The following PCSK9 variants were observed in gnomAD, a reference collection of about 807,000 sequenced individuals.
PCSK9 encodes proprotein convertase subtilisin/kexin type 9, also known as convertase subtilisin/kexin type 9 preproprotein.
Under a neutral mutation model 62.1 loss-of-function variants are expected in PCSK9, and 57 were observed. That is an observed-to-expected ratio of 0.92 (90% CI 0.74 to 1.14). The LOEUF is 1.14. Among genes scored for constraint, PCSK9 ranks in the 50% most tolerant of loss-of-function variants. The probability of loss-of-function intolerance (pLI) is 0.00; values close to 1 mark genes in which losing one functional copy is unlikely to be tolerated. For synonymous variants in PCSK9, 387 were observed against 409.4 expected (o/e 0.95, Z 0.66); for missense variants, 870 against 959.8 (o/e 0.91, Z 1.24).
intron 2 of PCSK9, among the ~76,000 whole-genome samples, chr1:55,045,464 T>C (rs1451041467): frequency 1.3e-5 from 2 of 152,148 alleles, no homozygotes; most frequent in African/African-American, 4.8e-5. Flanking sequence ...GGAAACTCGC[T>C]GAAGTGGGGG....
At chr1:55,052,859 G>A in intron 5 of PCSK9, 68 bp downstream of exon 5, 1 of 1,608,058 alleles carries the variant, frequency 6.2e-7, no homozygotes, top group East Asian at 2.2e-5. Flanking sequence ...CTTGGGCTGG[G>A]CCCAGGGAGA....
At chr1:55,052,151 T>C (rs1193529879) in intron 3 of PCSK9, 127 bp from the exon 4 acceptor site, 2 of 1,323,902 alleles carry the variant, frequency 1.5e-6, no homozygotes, top group African/African-American at 2.9e-5. Context: ...TTTTGGAGGT[T>C]AAACGAGTGA....
intron 1 of PCSK9, among the ~76,000 whole-genome samples, chr1:55,043,016 T>A (rs1255171023): frequency 6.6e-6 from 1 of 152,240 alleles, no homozygotes; most frequent in African/African-American, 2.4e-5. Context: ...TCTCTGCACA[T>A]GTAGGCTCCC....
Position 55,056,102 on chromosome 1 carries a change from C to T in PCSK9, c.909C>T (p.Arg303=). The change falls in exon 6 of 12, where the codon CGC becomes CGT. Residue 303 remains arginine, a synonymous_variant. Transcript: ENST00000302118. ...GCGTCCTCAACGCCGCCTGCCAGCG[C>T]CTGGCGAGGGCTGGGGTCGTGCTGG... is the stretch of plus-strand genomic sequence containing the variant. ...YSRVLNAACQ[R]LARAGVVLVT... is the part of the protein sequence containing the mutation. 2 of 1,588,946 alleles carry T rather than the reference C, an allele frequency of 1.3e-6. No individual in the cohort carries two copies. The highest frequency in any genetic ancestry group is 1.7e-6 in the Non-Finnish European group (2 of 1,163,450).
intron 2 of PCSK9, among the ~76,000 whole-genome samples, chr1:55,044,962 G>A (rs1158673598): frequency 1.3e-5 from 2 of 152,194 alleles, no homozygotes; most frequent in Admixed American, 6.5e-5. Context: ...AGACTGACAA[G>A]TCAATGCCTT....
Position 55,046,540 on chromosome 1 carries a change from T to A in PCSK9, c.417T>A (p.His139Gln). 6 of 1,614,148 alleles carry A rather than the reference T, an allele frequency of 3.7e-6. No homozygotes were observed. Among genetic ancestry groups the A allele is most frequent in the Non-Finnish European group, 5.1e-6 (6 of 1,180,024 alleles). ...DLLELALKLP[H>Q]VDYIEEDSSV... Reference sequence around the variant, plus strand: ...TTCTGCAGGCCTTGAAGTTGCCCCATGTCGACTACATCGAGGAGGACTCCT... The same window carrying A: ...TTCTGCAGGCCTTGAAGTTGCCCCAAGTCGACTACATCGAGGAGGACTCCT... The change falls in exon 3 of 12, where the codon CAT becomes CAA. Residue 139 changes from histidine (H) to glutamine (Q), a missense_variant. Coordinates refer to ENST00000302118, the MANE Select transcript of PCSK9 (RefSeq NM_174936.4).
At chr1:55,052,174 C>G (rs576818517) in intron 3 of PCSK9, 104 bp from the exon 4 acceptor site, 11 of 1,485,874 alleles carry the variant, frequency 7.4e-6, no homozygotes, top group Non-Finnish European at 9.3e-6. Context: ...ATATTTAAGG[C>G]GCTTTCACCA....
At position 55,055,989 on chromosome 1, in the gene PCSK9, C is replaced by A; in HGVS notation, c.800-4C>A. ...AGGGGTGACCTTGGCTTTGTTCCTC[C>A]CAGGCCTGGAGTTTATTCGGAAAAG... is the stretch of plus-strand genomic sequence containing the variant. On this transcript the variant is annotated splice_region_variant and splice_polypyrimidine_tract_variant and intron_variant, in intron 5 of 11. Coordinates refer to ENST00000302118, the MANE Select transcript of PCSK9 (RefSeq NM_174936.4). The A allele has an allele frequency of 6.2e-7, 1 of 1,607,472 alleles. No homozygotes were observed.
rs1026987232 is a variant in PCSK9, at chr1:55,059,612, G to A, written c.1630G>A (p.Ala544Thr). 15 of 1,552,400 alleles carry A rather than the reference G, an allele frequency of 9.7e-6. No individual in the cohort carries two copies. Among genetic ancestry groups the A allele is most frequent in the African/African-American group, 1.4e-5 (1 of 73,240 alleles). ...CSVHTAPPAE[A>T]SMGTRVHCHQ... ...CGTCCACACAGCTCCACCAGCTGAG[G>A]CCAGCATGGGGACCCGTGTCCACTG... Residue 544 changes from alanine (A) to threonine (T), a missense_variant, in exon 10 of 12, where the codon GCC becomes ACC. Ala to Thr is a moderately conservative substitution (Grantham distance 58). Coordinates refer to ENST00000302118, the MANE Select transcript of PCSK9 (RefSeq NM_174936.4).
chr1:55,062,670 C>T (rs1193241023), intron 11 of PCSK9, among the ~76,000 whole-genome samples: 1 of 152,120 alleles, frequency 6.6e-6, no homozygotes, highest in Non-Finnish European at 1.5e-5. Flanking sequence ...TGGGGATGTG[C>T]AGGGAGTACC....
chr1:55,048,627 G>A (rs1644652059), intron 3 of PCSK9, among the ~76,000 whole-genome samples: 2 of 152,188 alleles, frequency 1.3e-5, no homozygotes, highest in Admixed American at 1.3e-4. Context: ...GGGCAGGCTG[G>A]CTGGGCCCAG....
In PCSK9 at chr1:55,059,515, C is replaced by T. The variant is rs1033662150; in HGVS notation, c.1533C>T (p.Ala511=). Residue 511 remains alanine, a synonymous_variant, in exon 10 of 12, where the codon GCC becomes GCT. Coordinates refer to ENST00000302118, the MANE Select transcript of PCSK9 (RefSeq NM_174936.4). ...AAGGGGGCAAGCTGGTCTGCCGGGC[C>T]CACAACGCTTTTGGGGGTGAGGGTG... ...EAQGGKLVCR[A]HNAFGGEGVY... The T allele has an allele frequency of 2.6e-6, 4 of 1,566,272 alleles. No individual in the cohort carries two copies. Among genetic ancestry groups the T allele is most frequent in the African/African-American group, 2.7e-5 (2 of 74,182 alleles).
At chr1:55,056,855 CTGTG>C (rs765065118) in intron 6 of PCSK9, among the ~76,000 whole-genome samples, 4 of 152,268 alleles carry the variant, frequency 2.6e-5, no homozygotes, top group Non-Finnish European at 5.9e-5. Context: ...AACTTCAAGT[CTGTG>C]TGTGTGCGTG....
intron 3 of PCSK9, among the ~76,000 whole-genome samples, chr1:55,049,371 T>C (rs918031444): frequency 6.6e-6 from 1 of 152,228 alleles, no homozygotes; most frequent in Non-Finnish European, 1.5e-5. Flanking sequence ...CTCAGGCGTA[T>C]GGCAGGGCTG....
chr1:55,040,504 A>G lies in PCSK9; in HGVS notation c.207+460A>G, dbSNP rs1166198786. On this transcript the variant is annotated intron_variant, in intron 1 of 11. Coordinates refer to ENST00000302118, the MANE Select transcript of PCSK9 (RefSeq NM_174936.4). This position sits in a 1 kb window ranked among gnomAD's most constrained non-coding sequence, Gnocchi z 4.1. ...TGGGTTCCGATTTGGTTTGGAAAACATGGGCAGCGGAGGGTGGAGGGCCTG... is the reference window on the plus strand; with the variant it reads ...TGGGTTCCGATTTGGTTTGGAAAACGTGGGCAGCGGAGGGTGGAGGGCCTG... 6.6e-6 allele frequency among the ~76,000 whole-genome samples: 1 copy of G among 152,022 alleles called. No individual in the cohort carries two copies. The highest frequency in any genetic ancestry group is 2.4e-5 in the African/African-American group (1 of 41,412).
rs778617372 is a variant in PCSK9, at chr1:55,052,409, C to G, written c.655C>G (p.Gln219Glu). The G allele has an allele frequency of 1.9e-5, 31 of 1,613,662 alleles. No homozygotes were observed. The East Asian group carries it at 3.3e-4, about 17-fold the overall frequency. ...PEEDGTRFHRQASKCDSHGTH... is the reference protein window; with the variant it reads ...PEEDGTRFHREASKCDSHGTH... ...GGAGGACGGGACCCGCTTCCACAGA[C>G]AGGTAAGCACGGCCGTCTGATGGGA... The change falls in exon 4 of 12, where the codon CAG becomes GAG. Residue 219 changes from glutamine (Q) to glutamate (E), a missense_variant and splice_region_variant. By Grantham distance (29) the Gln-to-Glu change is conservative (BLOSUM62 2). Transcript: ENST00000302118.
At position 55,039,972 on chromosome 1, in the gene PCSK9, G is replaced by A. The variant is rs1190616189; in HGVS notation, c.135G>A (p.Leu45=). 5 of 1,580,418 alleles carry A rather than the reference G, an allele frequency of 3.2e-6. No homozygotes were observed. Among genetic ancestry groups the A allele is most frequent in the Non-Finnish European group, 4.3e-6 (5 of 1,164,114 alleles). Reference sequence around the variant, plus strand: ...ACTACGAGGAGCTGGTGCTAGCCTTGCGTTCCGAGGAGGACGGCCTGGCCG... The same window carrying A: ...ACTACGAGGAGCTGGTGCTAGCCTTACGTTCCGAGGAGGACGGCCTGGCCG... The part of the protein sequence containing the change: ...DGDYEELVLA[L]RSEEDGLAEA... Residue 45 remains leucine, a synonymous_variant, in exon 1 of 12, where the codon TTG becomes TTA. Transcript: ENST00000302118.
At chr1:55,061,283 C>G in intron 10 of PCSK9, 92 bp from the exon 11 acceptor site, 1 of 1,388,660 alleles carries the variant, frequency 7.2e-7, no homozygotes, top group African/African-American at 1.4e-5. Flanking sequence ...GCTCTTGCCT[C>G]AGACCTTAAA....
intron 6 of PCSK9, among the ~76,000 whole-genome samples, chr1:55,056,940 T>C (rs111830949): frequency 9.7e-4 from 3 of 3,106 alleles, no homozygotes; most frequent in Non-Finnish European, 8.1e-4. Flanking sequence ...AGGTCCCCCC[T>C]GGCCTATCAA....
Sources: gnomAD v4.1 joint callset for allele counts (sites outside exome capture counted in the v4.1 genomes callset) on GRCh38, gnomAD v4.1.1 for gene constraint, Gnocchi (gnomAD v3.1) non-coding constraint, MANE v1.5 for transcripts, NCBI Gene and HGNC (gene_info 2026-07-23, HGNC 2026-07-21) for gene names.